DIDO1: variants seen among roughly 807,000 people sequenced by gnomAD.
The protein encoded by DIDO1 is death inducer-obliterator 1, also known as death-inducer obliterator 1.
In DIDO1, 16 loss-of-function variants were observed where a neutral mutation model predicts 99.4. That is an observed-to-expected ratio of 0.16 (90% CI 0.11 to 0.24). The LOEUF is 0.24. DIDO1 is among the 10% of genes least tolerant of loss of function. The pLI is 1.00. For synonymous variants in DIDO1, 1,366 were observed against 1,239.1 expected (o/e 1.10, Z -2.15); for missense variants, 2,996 against 3,014.0 (o/e 0.99, Z 0.14).
At position 62,896,724 on chromosome 20, in the gene DIDO1, C is replaced by T; in HGVS notation, c.1861G>A (p.Ala621Thr). The part of the protein sequence containing the change: ...ARQAGPAPAA[A>T]TAASKKFPGS... ...GGGAACTTCTTGGAGGCAGCCGTTG[C>T]CGCTGCAGGTGCCGGTCCGGCCTGC... Residue 621 changes from alanine to threonine, a missense_variant, in exon 7 of 16, where the codon GCA (alanine) becomes ACA (threonine). This residue lies in a region of DIDO1 where 898 missense variants were observed against 972.7 expected (regional missense o/e 0.92). Transcript: ENST00000395343. The surrounding 1 kb of genome is among the most constrained non-coding windows in gnomAD (Gnocchi z 4.4). 6.2e-7 allele frequency: 1 copy of T among 1,613,726 alleles called. No homozygotes were observed. The highest frequency in any genetic ancestry group is 8.5e-7 in the Non-Finnish European group (1 of 1,179,838).
chr20:62,882,249 T>C lies in DIDO1; in HGVS notation c.3707A>G (p.Gln1236Arg), dbSNP rs754990907. The C allele has an allele frequency of 6.2e-7, 1 of 1,613,998 alleles. No homozygotes were observed. Among genetic ancestry groups the C allele is most frequent in the Non-Finnish European group, 8.5e-7 (1 of 1,180,028 alleles). ...ATACTTGGAGGGCTTCTTTTCCGAC[T>C]GCGGGACTGTGGCTACTTTTGGATA... Reference protein sequence around the residue: ...PAYPKVATVPQSEKKPSKYPL... With the variant: ...PAYPKVATVPRSEKKPSKYPL... Residue 1236 changes from glutamine to arginine, a missense_variant, in exon 16 of 16, where the codon CAG becomes CGG. Around this residue, in one of 5 missense-constraint regions of DIDO1, gnomAD observed 1,562 missense variants for 1,412.6 expected, o/e 1.11. Transcript: ENST00000395343.
chr20:62,912,260 T>A (rs1428823720), intron 2 of DIDO1, among the ~76,000 whole-genome samples: 5 of 152,210 alleles, frequency 3.3e-5, no homozygotes, highest in Non-Finnish European at 7.3e-5. Context: ...GCCAAGTGAA[T>A]GACCCTCACG....
At chr20:62,884,921 C>G (rs917360845) in intron 15 of DIDO1, among the ~76,000 whole-genome samples, 9 of 152,250 alleles carry the variant, frequency 5.9e-5, no homozygotes, top group Non-Finnish European at 1.3e-4. Context: ...CACAGCTGAG[C>G]TCTGCTGCTC....
intron 12 of DIDO1, 44 bp downstream of exon 12, chr20:62,893,615 TTAATCTA>T: frequency 1.3e-6 from 2 of 1,507,454 alleles, no homozygotes; most frequent in Admixed American, 4.4e-5. Flanking sequence ...TTTCCTTTCG[TTAATCTA>T]AAAAAAAAGT....
chr20:62,911,561 G>T lies in DIDO1; in HGVS notation c.52C>A (p.Pro18Thr). 1 of 1,609,912 alleles carries T rather than the reference G, an allele frequency of 6.2e-7. No individual in the cohort carries two copies. The highest frequency in any genetic ancestry group is 8.5e-7 in the Non-Finnish European group (1 of 1,177,910). ...GTTTTCCTGAACTCTTTGCTGGTGG[G>T]TTTGATGGCCTTAGGTGCCTCCTCA... is the stretch of plus-strand genomic sequence containing the variant. ...SNEEAPKAIK[P>T]TSKEFRKTWG... The change falls in exon 3 of 16, where the codon CCC (proline) becomes ACC (threonine). Residue 18 changes from proline (P) to threonine (T), a missense_variant. This residue lies in a region of DIDO1 where 388 missense variants were observed against 376.6 expected (regional missense o/e 1.03). Transcript: ENST00000395343. This position sits in a 1 kb window ranked among gnomAD's most constrained non-coding sequence, Gnocchi z 7.0.
intron 15 of DIDO1, among the ~76,000 whole-genome samples, chr20:62,883,955 G>A (rs777058519): frequency 2.3e-4 from 35 of 152,330 alleles, no homozygotes; most frequent in African/African-American, 6.3e-4. Flanking sequence ...GCAGTGAGCC[G>A]AGATCGTGCC....
intron 15 of DIDO1, 57 bp downstream of exon 15, chr20:62,890,903 G>A: frequency 6.2e-7 from 1 of 1,612,086 alleles, no homozygotes; most frequent in Non-Finnish European, 8.5e-7. Context: ...CATGTCAGTG[G>A]GAGGAGGGGT....
chr20:62,879,190 T>C lies in DIDO1; in HGVS notation c.*43A>G. On this transcript the variant is annotated 3_prime_UTR_variant, in exon 16 of 16. Transcript: ENST00000395343. The surrounding 1 kb of genome is among the most constrained non-coding windows in gnomAD (Gnocchi z 6.3). The stretch of plus-strand genomic sequence containing the variant: ...CAAAAGCTATTTGTTCAACGCATCT[T>C]ACGAACGTGGCTTTAAAAAGGGTCT... 7.0e-7 allele frequency: 1 copy of C among 1,435,954 alleles called. No individual in the cohort carries two copies. Among genetic ancestry groups the C allele is most frequent in the Non-Finnish European group, 9.1e-7 (1 of 1,098,810 alleles). The allele number at this position is 1,435,954 out of a possible 1,614,324, so 89.0% of individuals were successfully genotyped here. A position where few individuals can be genotyped will look rare whatever the true frequency, so the allele number is the denominator to read the frequency against.
rs1339658029 is a variant in DIDO1 at position 62,878,520 on chromosome 20, T to C, written c.*713A>G. ...ACTCCTCCCTGCCCCCAAAGTACAC[T>C]TAATTGGTTTGTTACTTTTTTTAGG... On this transcript the variant is annotated 3_prime_UTR_variant, in exon 16 of 16. Coordinates refer to ENST00000395343, the MANE Select transcript of DIDO1 (RefSeq NM_001193369.2). 10 of 152,234 alleles carry C rather than the reference T, an allele frequency of 6.6e-5. No individual in the cohort carries two copies. In the East Asian group the frequency reaches 1.7e-3, roughly 26 times the overall value. The allele number at this position is 152,234 out of a possible 1,614,324, so 9.4% of individuals were successfully genotyped here.
chr20:62,893,621 TA>T (rs751946338), intron 12 of DIDO1, 44 bp downstream of exon 12: 595 of 1,483,738 alleles, frequency 4.0e-4, no homozygotes, highest in South Asian at 1.4e-3. Context: ...TTCGTTAATC[TA>T]AAAAAAAAGT....
At chr20:62,910,078 C>A in intron 3 of DIDO1, 58 bp from the exon 4 acceptor site, 3 of 1,529,974 alleles carry the variant, frequency 2.0e-6, no homozygotes, top group South Asian at 1.2e-5. Context: ...CACTTTTCAA[C>A]ACATTAATAA....
At chr20:62,884,168 G>A (rs907888789) in intron 15 of DIDO1, among the ~76,000 whole-genome samples, 3 of 151,820 alleles carry the variant, frequency 2.0e-5, no homozygotes, top group Admixed American at 1.3e-4. Flanking sequence ...GCAGGTGGAC[G>A]ACGCGCACTG....
At position 62,878,090 on chromosome 20, in the gene DIDO1, T is replaced by C. The variant is rs985444884; in HGVS notation, c.*1143A>G. 1.3e-5 allele frequency: 2 copies of C among 152,226 alleles called. No individual in the cohort carries two copies. The highest frequency in any genetic ancestry group is 4.8e-5 in the African/African-American group (2 of 41,460). 9.4% of individuals were successfully genotyped at this position (152,226 alleles called of 1,614,324 possible). A position where few individuals can be genotyped will look rare whatever the true frequency, so the allele number is the denominator to read the frequency against. Reference sequence around the variant, plus strand: ...TCTGTGCTATAAAGTGAAAAATCTGTAGTGACGTACAATGGAATAACAGAC... The same window carrying C: ...TCTGTGCTATAAAGTGAAAAATCTGCAGTGACGTACAATGGAATAACAGAC... On this transcript the variant is annotated 3_prime_UTR_variant, in exon 16 of 16. Transcript: ENST00000395343.
rs567907348 is a variant in DIDO1 at position 62,906,600 on chromosome 20, C to T, written c.1375-500G>A. ...AAAACTCCCTGAACAGTGCTAGTTG[C>T]GCTTTGCTGGTCACAAACATAACCG... On this transcript the variant is annotated intron_variant, in intron 5 of 15. Coordinates refer to ENST00000395343, the MANE Select transcript of DIDO1 (RefSeq NM_001193369.2). Among the ~76,000 whole-genome samples the T allele has an allele frequency of 4.6e-5, 7 of 152,340 alleles. No individual in the cohort carries two copies. In the South Asian group the frequency reaches 1.2e-3, roughly 27 times the overall value.
intron 1 of DIDO1, among the ~76,000 whole-genome samples, chr20:62,915,024 C>T (rs2065014120): frequency 6.6e-6 from 1 of 152,126 alleles, no homozygotes; most frequent in South Asian, 2.1e-4. Flanking sequence ...TTCCAGGTGC[C>T]GAGTTTCTAG....
At chr20:62,930,419 GA>G (rs1310177545), upstream of DIDO1, among the ~76,000 whole-genome samples, 1 of 152,196 alleles carries the variant, frequency 6.6e-6, no homozygotes, top group African/African-American at 2.4e-5. Context: ...CGGCAAGATG[GA>G]AAAGGGCCAG....
At chr20:62,919,808 C>T (rs2065103114) in intron 1 of DIDO1, among the ~76,000 whole-genome samples, 1 of 152,238 alleles carries the variant, frequency 6.6e-6, no homozygotes, top group South Asian at 2.1e-4. Context: ...TATCTACTTC[C>T]TAGTGCAAAA....
In DIDO1 at chr20:62,880,882, C is replaced by G; in HGVS notation, c.5074G>C (p.Asp1692His). Reference protein sequence around the residue: ...PFTCPGFASQDKALGSAQYED... With the variant: ...PFTCPGFASQHKALGSAQYED... ...TACTGGGCTGAGCCGAGAGCCTTGTCCTGCGACGCGAACCCCGGGCAGGTG... is the reference window on the plus strand; with the variant it reads ...TACTGGGCTGAGCCGAGAGCCTTGTGCTGCGACGCGAACCCCGGGCAGGTG... The change falls in exon 16 of 16, where the codon GAC (aspartate) becomes CAC (histidine). Residue 1692 changes from aspartate to histidine, a missense_variant. By Grantham distance (81) the Asp-to-His change is moderately conservative. Around this residue, in one of 5 missense-constraint regions of DIDO1, gnomAD observed 1,562 missense variants for 1,412.6 expected, o/e 1.11. Coordinates refer to ENST00000395343, the MANE Select transcript of DIDO1 (RefSeq NM_001193369.2). 6.2e-7 allele frequency: 1 copy of G among 1,612,348 alleles called. No homozygotes were observed. The highest frequency in any genetic ancestry group is 8.5e-7 in the Non-Finnish European group (1 of 1,179,966).
rs188975398 is a variant in DIDO1, at chr20:62,913,634, G to A, written c.-3+576C>T. Among the ~76,000 whole-genome samples the A allele has an allele frequency of 1.4e-3, 215 of 152,340 alleles. 3 individuals carry two copies. Among genetic ancestry groups the A allele is most frequent in the Middle Eastern group, 0.014 (4 of 294 alleles). ...AAATATGACTGTCATCTCAAAAGAGGGTCAAGCTCTCGTTTTCATGCAACA... is the reference window on the plus strand; with the variant it reads ...AAATATGACTGTCATCTCAAAAGAGAGTCAAGCTCTCGTTTTCATGCAACA... On this transcript the variant is annotated intron_variant, in intron 2 of 15. Transcript: ENST00000395343.
Sources: allele counts gnomAD v4.1 joint callset (sites outside exome capture counted in the v4.1 genomes callset), GRCh38; gene constraint gnomAD v4.1.1; regional missense constraint gnomAD v4.1.1; non-coding constraint Gnocchi (gnomAD v3.1); transcripts MANE v1.5; gene names NCBI Gene and HGNC (gene_info 2026-07-23, HGNC 2026-07-21).